INPP5A: variants seen among roughly 807,000 people sequenced by gnomAD.
INPP5A encodes the protein 43 kDa inositol polyphosphate 5-phophatase.
INPP5A carries 14 observed loss-of-function variants against 65.2 expected under a neutral mutation model. The observed-to-expected ratio is 0.21, with a 90% confidence interval of 0.14 to 0.34. The LOEUF (loss-of-function observed/expected upper bound fraction) is 0.34, where lower values mean the gene tolerates loss of function less well. Among genes scored for constraint, INPP5A ranks in the 10% least tolerant of loss-of-function variants. The pLI is 1.00. For synonymous variants in INPP5A, 207 were observed against 208.3 expected, an observed-to-expected ratio of 0.99 and a Z score of 0.05; for missense variants, 431 against 545.6, an observed-to-expected ratio of 0.79 and a Z score of 2.09.
At chr10:132,557,082 C>T (rs566842778) in intron 1 of INPP5A, among the ~76,000 whole-genome samples, 21 of 152,268 alleles carry the variant, frequency 1.4e-4, no homozygotes, top group African/African-American at 4.1e-4. Context: ...GCTGTGACAC[C>T]GGTTTGGTAG....
At chr10:132,640,125 G>C (rs2072406687) in intron 2 of INPP5A, among the ~76,000 whole-genome samples, 1 of 152,150 alleles carries the variant, frequency 6.6e-6, no homozygotes, top group Admixed American at 6.5e-5. Flanking sequence ...GATAACTCAG[G>C]GTTGTGTCCT....
intron 1 of INPP5A, among the ~76,000 whole-genome samples, chr10:132,581,479 G>A (rs1318684548): frequency 1.3e-5 from 2 of 152,112 alleles, no homozygotes; most frequent in Non-Finnish European, 2.9e-5. Flanking sequence ...AACTTTCCCA[G>A]GCCAATTCTG....
intron 2 of INPP5A, among the ~76,000 whole-genome samples, chr10:132,621,768 C>T (rs867536057): frequency 6.8e-6 from 1 of 147,656 alleles, no homozygotes; most frequent in Non-Finnish European, 1.5e-5. Flanking sequence ...GTGGGAAAAT[C>T]GTGAGGGGGG....
chr10:132,688,843 C>A (rs919366851), intron 4 of INPP5A, among the ~76,000 whole-genome samples: 1 of 150,282 alleles, frequency 6.7e-6, no homozygotes, highest in Non-Finnish European at 1.5e-5. Flanking sequence ...TGTAAGTGTG[C>A]GTGAGTGCGT....
intron 9 of INPP5A, among the ~76,000 whole-genome samples, chr10:132,739,833 C>T (rs1307999521): frequency 1.3e-5 from 2 of 152,212 alleles, no homozygotes; most frequent in African/African-American, 2.4e-5. Flanking sequence ...TCAGCAGAGG[C>T]GTCTTCTAGG....
At chr10:132,667,542 G>A (rs1466782532) in intron 4 of INPP5A, among the ~76,000 whole-genome samples, 1 of 152,232 alleles carries the variant, frequency 6.6e-6, no homozygotes, top group Non-Finnish European at 1.5e-5. Flanking sequence ...CAGTGGCCCT[G>A]CACAGCGGGG....
At chr10:132,764,509 G>GTGAC (rs1326735835) in intron 11 of INPP5A, among the ~76,000 whole-genome samples, 7 of 140,644 alleles carry the variant, frequency 5.0e-5, no homozygotes, top group Admixed American at 1.4e-4. Context: ...GGTGTGTGTG[G>GTGAC]TGACACTCAG....
At chr10:132,574,943 C>G (rs1234670115) in intron 1 of INPP5A, among the ~76,000 whole-genome samples, 4 of 152,106 alleles carry the variant, frequency 2.6e-5, no homozygotes, top group Non-Finnish European at 4.4e-5. Context: ...CTGGTAGGCA[C>G]GGACTTCTGG....
chr10:132,731,739 C>T (rs370970615), intron 9 of INPP5A, among the ~76,000 whole-genome samples: 19 of 152,240 alleles, frequency 1.2e-4, no homozygotes, highest in Middle Eastern at 6.8e-3. Flanking sequence ...GTGAGGGTTT[C>T]CTCCAGTGCG....
chr10:132,672,429 G>A (rs1183349422), intron 4 of INPP5A, among the ~76,000 whole-genome samples: 2 of 152,150 alleles, frequency 1.3e-5, no homozygotes, highest in African/African-American at 2.4e-5. Flanking sequence ...GATCATGGGG[G>A]CAGGTCTTTC....
intron 10 of INPP5A, 43 bp downstream of exon 10, chr10:132,749,655 C>T (rs371253241): frequency 3.9e-5 from 62 of 1,600,332 alleles, no homozygotes; most frequent in Admixed American, 1.0e-4. Context: ...ACGGGGCCTG[C>T]GCAGGACTCT....
intron 11 of INPP5A, among the ~76,000 whole-genome samples, chr10:132,756,295 AGTGT>A (rs575786568): frequency 1.3e-5 from 2 of 151,706 alleles, no homozygotes; most frequent in African/African-American, 4.9e-5. Flanking sequence ...CATGTGCACT[AGTGT>A]GTGTGGTGTA....
chr10:132,569,790 C>T (rs2071316242), intron 1 of INPP5A, among the ~76,000 whole-genome samples: 1 of 150,454 alleles, frequency 6.6e-6, no homozygotes, highest in Non-Finnish European at 1.5e-5. Context: ...AGGTGTGAGC[C>T]ACCGCACTGG....
chr10:132,683,477 G>A (rs1157718257), intron 4 of INPP5A, among the ~76,000 whole-genome samples: 10 of 152,130 alleles, frequency 6.6e-5, no homozygotes, highest in Non-Finnish European at 1.3e-4. Flanking sequence ...TTTAATTCAC[G>A]TGTACATGTG....
intron 2 of INPP5A, among the ~76,000 whole-genome samples, chr10:132,635,542 C>G (rs1231882303): frequency 6.6e-6 from 1 of 151,414 alleles, no homozygotes; most frequent in African/African-American, 2.4e-5. Flanking sequence ...ACTACAGGTG[C>G]CCGCCACCAT....
chr10:132,688,861 TGA>T (rs1348721380), intron 4 of INPP5A, among the ~76,000 whole-genome samples: 1 of 151,408 alleles, frequency 6.6e-6, no homozygotes, highest in Non-Finnish European at 1.5e-5. Context: ...CGTGTGTGCA[TGA>T]GTTAGTGCAT....
At chr10:132,684,450 G>C (rs1283552942) in intron 4 of INPP5A, among the ~76,000 whole-genome samples, 1 of 152,164 alleles carries the variant, frequency 6.6e-6, no homozygotes, top group Non-Finnish European at 1.5e-5. Flanking sequence ...TATGGATGTG[G>C]GTTATGTACA....
Position 132,771,872 on chromosome 10 carries a change from G to A in INPP5A, c.978-5799G>A, listed in dbSNP as rs534132351. Among the ~76,000 whole-genome samples, 275 of 104,138 alleles carry A rather than the reference G, an allele frequency of 2.6e-3. 37 individuals carry two copies. Among genetic ancestry groups the A allele is most frequent in the Non-Finnish European group, 4.0e-3 (204 of 50,578 alleles). The allele number at this position is 104,138 out of a possible 152,430, so 68.3% of individuals were successfully genotyped here. On this transcript the variant is annotated intron_variant, in intron 12 of 15. Coordinates refer to ENST00000368594, the MANE Select transcript of INPP5A (RefSeq NM_005539.5). ...ACGGAGGCCACAGCAGCCACCCCGC[G>A]AAGAGTGGGACAGACACTCAGCACT...
chr10:132,566,619 G>A (rs1244676397), intron 1 of INPP5A, among the ~76,000 whole-genome samples: 3 of 152,224 alleles, frequency 2.0e-5, no homozygotes, highest in Non-Finnish European at 2.9e-5. Context: ...AAGAAACCTT[G>A]TTAGGTTATC....
Sources: allele counts gnomAD v4.1 joint callset (sites outside exome capture counted in the v4.1 genomes callset), GRCh38; gene constraint gnomAD v4.1.1; transcripts MANE v1.5; gene names NCBI Gene and HGNC (gene_info 2026-07-23, HGNC 2026-07-21).